The following GNG2 variants were observed in gnomAD, a reference collection of about 807,000 sequenced individuals.
The protein encoded by GNG2 is guanine nucleotide-binding protein G(I)/G(S)/G(O) subunit gamma-2.
GNG2 carries 5 observed loss-of-function variants against 5.5 expected under a neutral mutation model. That is an observed-to-expected ratio of 0.91 (90% CI 0.48 to 1.92). GNG2 has a LOEUF of 1.92. GNG2 is among the 30% of genes most tolerant of loss of function. GNG2 has a pLI of 0.01. For missense variants in GNG2, 55 were observed against 88.4 expected, an observed-to-expected ratio of 0.62 and a Z score of 1.52; for synonymous variants, 28 against 32.0, an observed-to-expected ratio of 0.88 and a Z score of 0.42.
intron 2 of GNG2, among the ~76,000 whole-genome samples, chr14:51,854,292 G>C (rs1882047756): frequency 6.6e-6 from 1 of 152,116 alleles, no homozygotes; most frequent in South Asian, 2.1e-4. Context: ...TCTTTCACCT[G>C]ACCCCAGTCA....
At chr14:51,907,080 C>T (rs551925678) in intron 2 of GNG2, among the ~76,000 whole-genome samples, 8 of 152,208 alleles carry the variant, frequency 5.3e-5, no homozygotes, top group South Asian at 2.1e-4. Flanking sequence ...ACAGGGACTC[C>T]GTGACTTTAT....
At chr14:51,832,888 A>G (rs1881235591) in intron 2 of GNG2, among the ~76,000 whole-genome samples, 1 of 152,242 alleles carries the variant, frequency 6.6e-6, no homozygotes, top group Admixed American at 6.5e-5. Context: ...ATAGGCAAAA[A>G]TGGTCTAAAA....
At chr14:51,922,287 A>G (rs1887059321) in intron 2 of GNG2, among the ~76,000 whole-genome samples, 1 of 152,254 alleles carries the variant, frequency 6.6e-6, no homozygotes, top group Admixed American at 6.5e-5. Context: ...CTTGTAAAAC[A>G]GAAAATGTAG....
chr14:51,907,859 T>G (rs1356975152), intron 2 of GNG2, among the ~76,000 whole-genome samples: 1 of 152,204 alleles, frequency 6.6e-6, no homozygotes, highest in African/African-American at 2.4e-5. Flanking sequence ...CGATTTAGGT[T>G]GGTATAAAGA....
chr14:51,949,302 A>C (rs1297918369), intron 2 of GNG2, among the ~76,000 whole-genome samples: 1 of 144,982 alleles, frequency 6.9e-6, no homozygotes, highest in Non-Finnish European at 1.5e-5. Flanking sequence ...ACTGGATATC[A>C]AGAAATAACT....
chr14:51,874,474 G>A (rs529719563), intron 1 of GNG2, among the ~76,000 whole-genome samples: 27 of 150,296 alleles, frequency 1.8e-4, no homozygotes, highest in Non-Finnish European at 2.9e-5. Context: ...GCTTACGCCT[G>A]TAATCTCAGC....
At chr14:51,924,150 C>T (rs983147619) in intron 2 of GNG2, among the ~76,000 whole-genome samples, 1 of 152,204 alleles carries the variant, frequency 6.6e-6, no homozygotes, top group Non-Finnish European at 1.5e-5. Context: ...GGGTTCCTAA[C>T]TGAGGTCCCT....
At chr14:51,832,690 G>T (rs951504341) in intron 2 of GNG2, among the ~76,000 whole-genome samples, 2 of 152,218 alleles carry the variant, frequency 1.3e-5, no homozygotes, top group African/African-American at 4.8e-5. Flanking sequence ...GTCCTCACAA[G>T]GCAGGCAGGG....
intron 2 of GNG2, chr14:51,914,156 T>C (rs1294451444): frequency 2.9e-6 from 2 of 696,572 alleles, no homozygotes; most frequent in East Asian, 5.4e-5. Context: ...AATGGAGTCA[T>C]TCCATATTGG....
chr14:51,926,525 C>G (rs1169170301), intron 2 of GNG2, among the ~76,000 whole-genome samples: 1 of 152,148 alleles, frequency 6.6e-6, no homozygotes, highest in Non-Finnish European at 1.5e-5. Flanking sequence ...GTGAGAAACC[C>G]AAAATGACCA....
chr14:51,938,677 C>T (rs1177675626), intron 2 of GNG2, among the ~76,000 whole-genome samples: 1 of 152,180 alleles, frequency 6.6e-6, no homozygotes, highest in Non-Finnish European at 1.5e-5. Flanking sequence ...CCCCAGATAA[C>T]ACAGTGATGG....
chr14:51,898,285 T>G (rs1455100665), intron 2 of GNG2, among the ~76,000 whole-genome samples: 2 of 152,224 alleles, frequency 1.3e-5, no homozygotes, highest in Non-Finnish European at 2.9e-5. Context: ...TTAGTGGTTC[T>G]TTTGAATGAC....
intron 2 of GNG2, among the ~76,000 whole-genome samples, chr14:51,941,117 G>C (rs1231448473): frequency 1.3e-5 from 2 of 151,922 alleles, no homozygotes; most frequent in African/African-American, 4.8e-5. Flanking sequence ...ATATCAATTT[G>C]ATGATGGATT....
At chr14:51,847,907 T>C (rs1041050294) in intron 2 of GNG2, among the ~76,000 whole-genome samples, 1 of 67,922 alleles carries the variant, frequency 1.5e-5, no homozygotes, top group African/African-American at 4.2e-5. Flanking sequence ...TTTTTTTTTT[T>C]TGTAAAATGA....
At chr14:51,942,601 T>TCTTTCTTTCTTTCTTTCTTTCTTTCTTTC (rs1277558601) in intron 2 of GNG2, among the ~76,000 whole-genome samples, 11 of 15,376 alleles carry the variant, frequency 7.2e-4, no homozygotes, top group East Asian at 3.6e-3. Context: ...TTTTTTTTTT[T>TCTTTCTTTCTTTCTTTCTTTCTTTCTTTC]TTTTTAGAGA....
intron 2 of GNG2, among the ~76,000 whole-genome samples, chr14:51,935,191 A>G (rs954748972): frequency 7.9e-5 from 12 of 151,796 alleles, no homozygotes; most frequent in Non-Finnish European, 1.5e-4. Context: ...CGCCCCGCTA[A>G]TTTTTTTGTA....
At chr14:51,954,274 T>G (rs1889149644) in intron 3 of GNG2, among the ~76,000 whole-genome samples, 1 of 152,134 alleles carries the variant, frequency 6.6e-6, no homozygotes, top group African/African-American at 2.4e-5. Flanking sequence ...TTGTTAGGAT[T>G]TCATTCAAGG....
intron 2 of GNG2, among the ~76,000 whole-genome samples, chr14:51,886,462 G>A (rs1269170038): frequency 1.3e-5 from 2 of 152,030 alleles, no homozygotes; most frequent in Non-Finnish European, 2.9e-5. Context: ...TTCTGAATAG[G>A]GCATACTCAG....
At chr14:51,935,231 TAGTC>T (rs201223790) in intron 2 of GNG2, among the ~76,000 whole-genome samples, 2,663 of 151,994 alleles carry the variant, frequency 0.018, 90 homozygotes, top group African/African-American at 0.06. Flanking sequence ...TTCACTGTGT[TAGTC>T]AGGATAGTCT....
Sources: gnomAD v4.1 joint callset for allele counts (sites outside exome capture counted in the v4.1 genomes callset) on GRCh38, gnomAD v4.1.1 for gene constraint, MANE v1.5 for transcripts, NCBI Gene and HGNC (gene_info 2026-07-23, HGNC 2026-07-21) for gene names.